RBFOX1: variants seen among roughly 807,000 people sequenced by gnomAD.
RBFOX1 encodes RNA binding fox-1 homolog 1.
A neutral mutation model predicts 57.7 loss-of-function variants in RBFOX1; 8 were observed. That is an observed-to-expected ratio of 0.14 (90% CI 0.08 to 0.25). The LOEUF is 0.25. RBFOX1 is among the 10% of genes least tolerant of loss of function. The pLI is 1.00. For synonymous variants in RBFOX1, 326 were observed against 222.4 expected (o/e 1.47, Z -4.15); for missense variants, 611 against 548.5 (o/e 1.11, Z -1.14).
At chr16:5,299,041 G>A (rs1056471019) in intron 1 of RBFOX1, among the ~76,000 whole-genome samples, 1 of 144,856 alleles carries the variant, frequency 6.9e-6, no homozygotes, top group Non-Finnish European at 1.5e-5. Context: ...AATTTAGAAT[G>A]TTTCTATGGC....
intron 3 of RBFOX1, among the ~76,000 whole-genome samples, chr16:7,015,962 T>C (rs1382575941): frequency 6.6e-6 from 1 of 152,150 alleles, no homozygotes; most frequent in African/African-American, 2.4e-5. Context: ...ATTTACCCAT[T>C]ATTTGGTGTG....
At chr16:5,369,594 G>C (rs569685047) in intron 1 of RBFOX1, among the ~76,000 whole-genome samples, 2 of 152,166 alleles carry the variant, frequency 1.3e-5, no homozygotes, top group African/African-American at 2.4e-5. Context: ...TGCCCCACAC[G>C]CTCCTGAGCA....
chr16:5,689,139 G>A (rs2050592741), intron 3 of RBFOX1, among the ~76,000 whole-genome samples: 1 of 152,210 alleles, frequency 6.6e-6, no homozygotes, highest in African/African-American at 2.4e-5. Context: ...AACTCTGGAT[G>A]TCAAGGTCAC....
intron 2 of RBFOX1, among the ~76,000 whole-genome samples, chr16:5,498,343 C>T (rs1373143464): frequency 6.6e-6 from 1 of 152,132 alleles, no homozygotes; most frequent in Non-Finnish European, 1.5e-5. Flanking sequence ...AGGGTTTCAC[C>T]ATGTTGGCCA....
At chr16:6,256,539 C>T (rs1011555025) in intron 1 of RBFOX1, among the ~76,000 whole-genome samples, 3 of 151,668 alleles carry the variant, frequency 2.0e-5, no homozygotes, top group Non-Finnish European at 4.4e-5. Context: ...TTGAACTTGA[C>T]ATTGGTTGCA....
chr16:7,298,649 C>G (rs1205511105), intron 4 of RBFOX1, among the ~76,000 whole-genome samples: 2 of 152,180 alleles, frequency 1.3e-5, no homozygotes, highest in Non-Finnish European at 2.9e-5. Flanking sequence ...ACTATCGACT[C>G]AAAGCCAACA....
chr16:6,396,728 T>C (rs1277990185), intron 2 of RBFOX1, among the ~76,000 whole-genome samples: 1 of 151,720 alleles, frequency 6.6e-6, no homozygotes, highest in East Asian at 1.9e-4. Flanking sequence ...TAAATAAAAC[T>C]TACTAGATGT....
chr16:7,605,379 T>C (rs756386949), intron 9 of RBFOX1, among the ~76,000 whole-genome samples: 22 of 152,178 alleles, frequency 1.4e-4, no homozygotes, highest in Admixed American at 8.5e-4. Context: ...CATGTTTCTT[T>C]CTGTCACTCT....
At chr16:7,106,071 G>C (rs908242861) in intron 4 of RBFOX1, among the ~76,000 whole-genome samples, 2 of 152,164 alleles carry the variant, frequency 1.3e-5, no homozygotes, top group African/African-American at 4.8e-5. Context: ...AAACTATTCA[G>C]TACCCCCACC....
chr16:7,013,447 G>C (rs1353082718), intron 3 of RBFOX1, among the ~76,000 whole-genome samples: 1 of 152,180 alleles, frequency 6.6e-6, no homozygotes, highest in Non-Finnish European at 1.5e-5. Flanking sequence ...ACTGGGAAGA[G>C]GATGCTACTC....
At chr16:6,158,188 G>A (rs2096852062) in intron 1 of RBFOX1, among the ~76,000 whole-genome samples, 2 of 152,214 alleles carry the variant, frequency 1.3e-5, no homozygotes, top group South Asian at 4.1e-4. Context: ...CACAATGCTG[G>A]TCTGAAGAAT....
At chr16:7,680,362 T>C (rs2074416797) in intron 14 of RBFOX1, among the ~76,000 whole-genome samples, 1 of 152,206 alleles carries the variant, frequency 6.6e-6, no homozygotes, top group South Asian at 2.1e-4. Context: ...GATGAAAGTG[T>C]TATCTCCCCA....
At chr16:6,009,599 C>T (rs1414061149) in intron 4 of RBFOX1, among the ~76,000 whole-genome samples, 2 of 152,074 alleles carry the variant, frequency 1.3e-5, no homozygotes, top group Admixed American at 1.3e-4. Flanking sequence ...TACCTCCTTT[C>T]TGAGAGCTTG....
At chr16:6,054,396 C>T (rs969834293) in intron 1 of RBFOX1, among the ~76,000 whole-genome samples, 2 of 152,046 alleles carry the variant, frequency 1.3e-5, no homozygotes, top group South Asian at 2.1e-4. Flanking sequence ...AAGTATCAAC[C>T]ATTGATTTAA....
chr16:5,961,838 C>G (rs1596306463), intron 4 of RBFOX1, among the ~76,000 whole-genome samples: 1 of 152,272 alleles, frequency 6.6e-6, no homozygotes, highest in Admixed American at 6.5e-5. Context: ...TCCCCTTGTT[C>G]TCTAACCTCC....
chr16:6,581,543 G>T (rs771061228), intron 2 of RBFOX1, among the ~76,000 whole-genome samples: 2 of 152,188 alleles, frequency 1.3e-5, no homozygotes, highest in Non-Finnish European at 2.9e-5. Context: ...CCGTAGGTGA[G>T]TGCCAACAGG....
At chr16:6,943,056 C>A (rs549324197) in intron 3 of RBFOX1, among the ~76,000 whole-genome samples, 1 of 152,302 alleles carries the variant, frequency 6.6e-6, no homozygotes, top group African/African-American at 2.4e-5. Context: ...CCCTGAATGC[C>A]TTTACGTTAG....
intron 2 of RBFOX1, among the ~76,000 whole-genome samples, chr16:6,524,443 C>T (rs1056228608): frequency 2.0e-5 from 3 of 152,220 alleles, no homozygotes; most frequent in Admixed American, 6.5e-5. Flanking sequence ...GCAGTGTTTA[C>T]CGTAGTTCTA....
chr16:7,263,382 A>G (rs530587959), intron 4 of RBFOX1, among the ~76,000 whole-genome samples: 1 of 152,306 alleles, frequency 6.6e-6, no homozygotes, highest in South Asian at 2.1e-4. Context: ...TCAGGAGACT[A>G]GAAGACATTG....
Sources: gnomAD v4.1 joint callset for allele counts (sites outside exome capture counted in the v4.1 genomes callset) on GRCh38, gnomAD v4.1.1 for gene constraint, MANE v1.5 for transcripts, NCBI Gene and HGNC (gene_info 2026-07-23, HGNC 2026-07-21) for gene names.